CAMK1D: variants seen among roughly 807,000 people sequenced by gnomAD.
The protein encoded by CAMK1D is calcium/calmodulin-dependent protein kinase type 1D.
A neutral mutation model predicts 47.7 loss-of-function variants in CAMK1D; 9 were observed. The observed-to-expected ratio is 0.19, with a 90% CI of 0.11 to 0.33. The LOEUF (loss-of-function observed/expected upper bound fraction) is 0.33. CAMK1D is among the 10% of genes least tolerant of loss of function. The probability of loss-of-function intolerance (pLI) is 1.00; values close to 1 mark genes in which losing one functional copy is unlikely to be tolerated. For synonymous variants in CAMK1D, 184 were observed against 184.9 expected, an observed-to-expected ratio of 0.99 and a Z score of 0.04; for missense variants, 291 against 488.7, an observed-to-expected ratio of 0.60 and a Z score of 3.81.
At chr10:12,638,484 C>T (rs1391718122) in intron 2 of CAMK1D, among the ~76,000 whole-genome samples, 5 of 151,842 alleles carry the variant, frequency 3.3e-5, no homozygotes, top group East Asian at 1.9e-4. Flanking sequence ...TGGAGAACTC[C>T]GTTCCCGTCA....
At chr10:12,727,767 C>CT (rs5783286) in intron 3 of CAMK1D, among the ~76,000 whole-genome samples, 115,510 of 144,266 alleles carry the variant, frequency 0.8, 49,122 homozygotes, top group Non-Finnish European at 0.95. Flanking sequence ...TAATCACAGC[C>CT]TTTTTTTTTT....
chr10:12,686,131 C>T (rs1324349591), intron 3 of CAMK1D, among the ~76,000 whole-genome samples: 1 of 152,168 alleles, frequency 6.6e-6, no homozygotes, highest in Non-Finnish European at 1.5e-5. Context: ...CTCTTTGCTG[C>T]TCACTTTAGC....
chr10:12,480,169 G>T (rs1468221661), intron 1 of CAMK1D, among the ~76,000 whole-genome samples: 3 of 152,080 alleles, frequency 2.0e-5, no homozygotes, highest in Non-Finnish European at 4.4e-5. Context: ...AAAATACTTG[G>T]CCGGGCTCGG....
intron 3 of CAMK1D, among the ~76,000 whole-genome samples, chr10:12,707,357 G>T (rs552739146): frequency 3.7e-4 from 57 of 152,284 alleles, no homozygotes; most frequent in Admixed American, 5.9e-4. Context: ...TATTTGTGTT[G>T]ACTGGGGTAA....
intron 2 of CAMK1D, among the ~76,000 whole-genome samples, chr10:12,641,025 C>T (rs988182301): frequency 2.0e-5 from 3 of 152,080 alleles, no homozygotes; most frequent in African/African-American, 4.8e-5. Context: ...GTGGTGTGAT[C>T]TTGGCTCACT....
At chr10:12,764,839 T>C (rs1836675169) in intron 4 of CAMK1D, among the ~76,000 whole-genome samples, 3 of 152,216 alleles carry the variant, frequency 2.0e-5, no homozygotes, top group Non-Finnish European at 4.4e-5. Flanking sequence ...CTCATGCCTG[T>C]AATCCCAGCA....
In CAMK1D at chr10:12,683,141, C is replaced by T. The variant is rs371620996; in HGVS notation, c.299+16331C>T. On this transcript the variant is annotated intron_variant, in intron 3 of 10. Transcript: ENST00000619168. ...TCGCTTTGTTGCCCAGGCTGGAGTG[C>T]GGTGGCGTGATCTCAGCTCACCACA... 1.7e-3 allele frequency among the ~76,000 whole-genome samples: 251 copies of T among 148,680 alleles called. 2 individuals are homozygous for T. The highest frequency in any genetic ancestry group is 4.7e-3 in the African/African-American group (188 of 40,256).
chr10:12,587,643 G>T (rs981732496), intron 2 of CAMK1D, among the ~76,000 whole-genome samples: 11 of 152,082 alleles, frequency 7.2e-5, no homozygotes, highest in African/African-American at 2.7e-4. Flanking sequence ...GAAGAAGAGG[G>T]CAGGGAGGAC....
chr10:12,407,965 C>T (rs1342435979), intron 1 of CAMK1D, among the ~76,000 whole-genome samples: 1 of 150,284 alleles, frequency 6.7e-6, no homozygotes, highest in Non-Finnish European at 1.5e-5. Flanking sequence ...TCAAGTGATC[C>T]TACTGCCTCA....
intron 2 of CAMK1D, among the ~76,000 whole-genome samples, chr10:12,571,027 C>T (rs1044888967): frequency 2.0e-5 from 3 of 152,110 alleles, no homozygotes; most frequent in Non-Finnish European, 4.4e-5. Flanking sequence ...CCATCATCTC[C>T]TCTCCCAAAA....
At chr10:12,777,497 C>T (rs1405554078) in intron 5 of CAMK1D, among the ~76,000 whole-genome samples, 1 of 151,618 alleles carries the variant, frequency 6.6e-6, no homozygotes, top group African/African-American at 2.4e-5. Flanking sequence ...CTCAGCCTCC[C>T]GAGTAGCCAG....
intron 4 of CAMK1D, among the ~76,000 whole-genome samples, chr10:12,765,840 A>G (rs767844613): frequency 7.2e-5 from 11 of 152,114 alleles, no homozygotes; most frequent in South Asian, 2.1e-4. Context: ...TCTGACTTAC[A>G]TAAGGCACAA....
intron 3 of CAMK1D, among the ~76,000 whole-genome samples, chr10:12,698,363 A>G (rs890801736): frequency 2.0e-5 from 3 of 152,176 alleles, no homozygotes; most frequent in African/African-American, 7.2e-5. Context: ...AGCCTCTGAG[A>G]ACACATTTTT....
intron 2 of CAMK1D, among the ~76,000 whole-genome samples, chr10:12,652,856 TCAA>T (rs1032116066): frequency 2.2e-4 from 34 of 152,322 alleles, no homozygotes; most frequent in Non-Finnish European, 3.8e-4. Flanking sequence ...TTAAAAAACA[TCAA>T]CAAAGCAAAA....
intron 1 of CAMK1D, among the ~76,000 whole-genome samples, chr10:12,457,129 G>T (rs933597241): frequency 1.3e-5 from 2 of 152,034 alleles, no homozygotes; most frequent in Non-Finnish European, 2.9e-5. Flanking sequence ...GGTGGCTCAC[G>T]CCTGTAATCC....
At chr10:12,819,297 A>G (rs911703446) in intron 8 of CAMK1D, among the ~76,000 whole-genome samples, 1 of 152,246 alleles carries the variant, frequency 6.6e-6, no homozygotes, top group Non-Finnish European at 1.5e-5. Flanking sequence ...GCGTCTGGGC[A>G]TACAACACGG....
chr10:12,532,357 G>A (rs1387796203), intron 1 of CAMK1D, among the ~76,000 whole-genome samples: 1 of 150,222 alleles, frequency 6.7e-6, no homozygotes, highest in Non-Finnish European at 1.5e-5. Flanking sequence ...TCGGCTCACT[G>A]CAAGCTCCGC....
chr10:12,523,888 A>ATTATTTAT lies in CAMK1D; in HGVS notation c.93-29318_93-29311dup, dbSNP rs201176779. On this transcript the variant is annotated intron_variant, in intron 1 of 10. Transcript: ENST00000619168. ...GTTTATGTGTGTGTGTTTTGTAGGGATTATTTATTTATTTATTTATTTATT... is the reference window on the plus strand; with the variant it reads ...GTTTATGTGTGTGTGTTTTGTAGGGATTATTTATTTATTTATTTATTTATTTATTTATT... Among the ~76,000 whole-genome samples the ATTATTTAT allele has an allele frequency of 2.6e-4, 39 of 151,628 alleles. No individual in the cohort carries two copies. The East Asian group carries it at 3.3e-3, about 13-fold the overall frequency.
chr10:12,676,385 C>T (rs1420912760), intron 3 of CAMK1D, among the ~76,000 whole-genome samples: 2 of 152,236 alleles, frequency 1.3e-5, no homozygotes, highest in Non-Finnish European at 2.9e-5. Flanking sequence ...CCTCGTGACA[C>T]ACATACATTA....
Sources: allele counts gnomAD v4.1 joint callset (sites outside exome capture counted in the v4.1 genomes callset), GRCh38; gene constraint gnomAD v4.1.1; transcripts MANE v1.5; gene names NCBI Gene and HGNC (gene_info 2026-07-23, HGNC 2026-07-21).